The following PRRG2 variants were observed in gnomAD, a reference collection of about 807,000 sequenced individuals.
PRRG2 encodes the protein transmembrane gamma-carboxyglutamic acid protein 2.
Under a neutral mutation model 27.1 loss-of-function variants are expected in PRRG2, and 23 were observed. That is an observed-to-expected ratio of 0.85 (90% CI 0.61 to 1.20). The LOEUF (loss-of-function observed/expected upper bound fraction) is 1.20. PRRG2 is among the 50% of genes most tolerant of loss of function. The pLI is 0.00. For missense variants in PRRG2, 276 were observed against 254.8 expected (o/e 1.08, Z -0.57); for synonymous variants, 104 against 103.4 (o/e 1.01, Z -0.03).
rs1382395820 is a variant in PRRG2, at chr19:49,583,082, A to G, written c.-13-125A>G. On this transcript the variant is annotated intron_variant, in intron 1 of 6. Transcript: ENST00000246794. Reference sequence around the variant, plus strand: ...TATATAGGTAAACAGTATCTGGCACAGAATACAGGCTGTGTAAGTGGCTGC... The same window carrying G: ...TATATAGGTAAACAGTATCTGGCACGGAATACAGGCTGTGTAAGTGGCTGC... 3 of 708,646 alleles carry G rather than the reference A, an allele frequency of 4.2e-6. No homozygotes were observed. The Admixed American group carries it at 8.8e-5, about 21-fold the overall frequency. The allele number at this position is 708,646 out of a possible 1,614,324, so 43.9% of individuals were successfully genotyped here.
At chr19:49,585,945 T>C (rs1307231460) in intron 4 of PRRG2, among the ~76,000 whole-genome samples, 1 of 151,734 alleles carries the variant, frequency 6.6e-6, no homozygotes, top group African/African-American at 2.4e-5. Context: ...CTGGGCATGG[T>C]GGCACGTGGC....
At chr19:49,590,223 T>C (rs1246076895) in intron 6 of PRRG2, 148 bp from the exon 7 acceptor site, 1 of 1,431,254 alleles carries the variant, frequency 7.0e-7, no homozygotes, top group African/African-American at 1.4e-5. Context: ...CCCAGCGTTG[T>C]ATGTGTGGAG....
rs564600891 is a variant in PRRG2 at position 49,590,120 on chromosome 19, G to A, written c.590+68G>A. Reference sequence around the variant, plus strand: ...TGGGCACGTTGGAGGAGGAACCTGGGCTCAGGGGCGGGACTTGGAATTTGG... The same window carrying A: ...TGGGCACGTTGGAGGAGGAACCTGGACTCAGGGGCGGGACTTGGAATTTGG... On this transcript the variant is annotated intron_variant, in intron 6 of 6. Transcript: ENST00000246794. 129 of 1,436,704 alleles carry A rather than the reference G, an allele frequency of 9.0e-5. 2 individuals carry two copies. The South Asian group carries it at 1.7e-3, about 19-fold the overall frequency. 89.0% of individuals were successfully genotyped at this position (1,436,704 alleles called of 1,614,324 possible). A position where few individuals can be genotyped will look rare whatever the true frequency, so the allele number is the denominator to read the frequency against.
At chr19:49,585,540 G>A (rs1478924474) in intron 4 of PRRG2, among the ~76,000 whole-genome samples, 7 of 152,204 alleles carry the variant, frequency 4.6e-5, no homozygotes, top group Non-Finnish European at 1.5e-5. Flanking sequence ...GCTCATGCCT[G>A]TAATCTCAGC....
rs1332221523 is a variant in PRRG2, at chr19:49,590,425, C to A, written c.*36C>A. On this transcript the variant is annotated 3_prime_UTR_variant, in exon 7 of 7. Transcript: ENST00000246794. ...TCGAGACCCGGCTCTCCGAACCGTG[C>A]CCCTGATTCATACCGGATTCCGGAA... is the stretch of plus-strand genomic sequence containing the variant. 1.2e-6 allele frequency: 2 copies of A among 1,613,448 alleles called. No homozygotes were observed. Among genetic ancestry groups the A allele is most frequent in the Admixed American group, 3.3e-5 (2 of 59,710 alleles).
Position 49,583,270 on chromosome 19 carries a change from C to T in PRRG2, c.51C>T (p.Cys17=), listed in dbSNP as rs748810858. The part of the protein sequence containing the change: ...LLLLYMALTT[C]LDTSPSEETD... ...TGCTATATATGGCATTAACCACCTGCCTGGATACTTCACCCAGTGAGGAGA... is the reference window on the plus strand; with the variant it reads ...TGCTATATATGGCATTAACCACCTGTCTGGATACTTCACCCAGTGAGGAGA... Residue 17 remains cysteine (C), a synonymous_variant, in exon 2 of 7, where the codon TGC becomes TGT. Coordinates refer to ENST00000246794, the MANE Select transcript of PRRG2 (RefSeq NM_000951.3). The T allele has an allele frequency of 1.3e-5, 21 of 1,614,168 alleles. No homozygotes were observed. In the South Asian group the frequency reaches 2.0e-4, roughly 15 times the overall value.
At chr19:49,585,083 C>T (rs2080659102) in intron 4 of PRRG2, among the ~76,000 whole-genome samples, 1 of 152,180 alleles carries the variant, frequency 6.6e-6, no homozygotes, top group Non-Finnish European at 1.5e-5. Flanking sequence ...TGCTCCTTAG[C>T]AACGGGGCCT....
intron 4 of PRRG2, among the ~76,000 whole-genome samples, chr19:49,586,160 C>T (rs1157452361): frequency 6.6e-6 from 1 of 151,474 alleles, no homozygotes; most frequent in East Asian, 1.9e-4. Context: ...CGACTCACTG[C>T]AGCCTCGACC....
chr19:49,582,256 A>AAC (rs2080631833), intron 1 of PRRG2, among the ~76,000 whole-genome samples: 1 of 148,906 alleles, frequency 6.7e-6, no homozygotes, highest in Admixed American at 6.7e-5. Context: ...AAAAAAAAAA[A>AAC]AAAACTCCTG....
intron 5 of PRRG2, among the ~76,000 whole-genome samples, chr19:49,589,390 T>TGC (rs950928946): frequency 7.3e-5 from 11 of 151,232 alleles, no homozygotes; most frequent in African/African-American, 2.4e-4. Context: ...CCTCCCAAAG[T>TGC]GCTGGGATTA....
chr19:49,590,182 C>CG (rs1381675413), intron 6 of PRRG2, 130 bp downstream of exon 6: 10 of 1,378,052 alleles, frequency 7.3e-6, no homozygotes, highest in Admixed American at 4.9e-5. Flanking sequence ...AGTGCGGGGG[C>CG]GGGGCCCCAT....
At chr19:49,587,759 A>G (rs1311406179) in intron 4 of PRRG2, among the ~76,000 whole-genome samples, 3 of 151,676 alleles carry the variant, frequency 2.0e-5, no homozygotes, top group Admixed American at 2.0e-4. Context: ...TGCTGGGATT[A>G]CAGGCGTGAG....
At chr19:49,581,510 T>C (rs1252342201) in intron 1 of PRRG2, 29 bp downstream of exon 1, 1 of 152,188 alleles carries the variant, frequency 6.6e-6, no homozygotes, top group Non-Finnish European at 1.5e-5. Context: ...AGGAAGAGCC[T>C]GGCTTGGGGA....
intron 4 of PRRG2, among the ~76,000 whole-genome samples, chr19:49,587,932 G>T (rs2080683459): frequency 7.0e-6 from 1 of 143,376 alleles, no homozygotes; most frequent in Admixed American, 6.8e-5. Flanking sequence ...ACATAGTTTT[G>T]TTTTTTTGGT....
At chr19:49,582,436 G>A (rs1455095394) in intron 1 of PRRG2, among the ~76,000 whole-genome samples, 9 of 151,528 alleles carry the variant, frequency 5.9e-5, no homozygotes, top group Non-Finnish European at 1.2e-4. Context: ...AACCACGCCT[G>A]GCTAATTTTT....
chr19:49,590,134 CT>C, intron 6 of PRRG2, 82 bp downstream of exon 6: 3 of 1,388,682 alleles, frequency 2.2e-6, no homozygotes, highest in Non-Finnish European at 2.8e-6. Flanking sequence ...AGGGGCGGGA[CT>C]TGGAATTTGG....
chr19:49,589,823 C>G (rs2080701258), intron 5 of PRRG2, 77 bp from the exon 6 acceptor site: 2 of 1,516,976 alleles, frequency 1.3e-6, no homozygotes, highest in Non-Finnish European at 1.8e-6. Context: ...GTCTCCGTCT[C>G]CTAGATCCCC....
intron 5 of PRRG2, 47 bp downstream of exon 5, chr19:49,588,679 G>A (rs2080691047): frequency 6.7e-7 from 1 of 1,500,408 alleles, no homozygotes; most frequent in Non-Finnish European, 8.8e-7. Context: ...GAGCAGGGGA[G>A]GGAGGAAGCA....
chr19:49,588,756 T>G, intron 5 of PRRG2, 124 bp downstream of exon 5: 1 of 1,227,824 alleles, frequency 8.1e-7, no homozygotes. Flanking sequence ...AAGGACACAG[T>G]CATTTGGAGA....
Sources: allele counts gnomAD v4.1 joint callset (sites outside exome capture counted in the v4.1 genomes callset), GRCh38; gene constraint gnomAD v4.1.1; transcripts MANE v1.5; gene names NCBI Gene and HGNC (gene_info 2026-07-23, HGNC 2026-07-21).